NRF1: variants seen among roughly 807,000 people sequenced by gnomAD.
The protein encoded by NRF1 is nuclear respiratory factor 1, also known as alpha palindromic-binding protein.
A neutral mutation model predicts 58.5 loss-of-function variants in NRF1; 5 were observed. The observed-to-expected ratio is 0.09, with a 90% CI of 0.04 to 0.18. NRF1 has a LOEUF of 0.18. Among genes scored for constraint, NRF1 ranks in the 10% least tolerant of loss-of-function variants. The pLI is 1.00. For synonymous variants in NRF1, 224 were observed against 246.7 expected, an observed-to-expected ratio of 0.91 and a Z score of 0.86; for missense variants, 288 against 657.7, an observed-to-expected ratio of 0.44 and a Z score of 6.15.
At chr7:129,654,486 T>G (rs761990930) in intron 1 of NRF1, among the ~76,000 whole-genome samples, 1 of 152,226 alleles carries the variant, frequency 6.6e-6, no homozygotes, top group Non-Finnish European at 1.5e-5. Context: ...TTATCGATTT[T>G]TTGCTTTTAT....
intron 8 of NRF1, among the ~76,000 whole-genome samples, chr7:129,714,584 A>C (rs1803145959): frequency 6.6e-6 from 1 of 152,152 alleles, no homozygotes; most frequent in Non-Finnish European, 1.5e-5. Flanking sequence ...AAAGCAACCA[A>C]CCTTGGAAAG....
chr7:129,637,297 A>G (rs191611732), intron 1 of NRF1, among the ~76,000 whole-genome samples: 24 of 152,152 alleles, frequency 1.6e-4, no homozygotes, highest in Middle Eastern at 3.4e-3. Context: ...AACCCCTGCA[A>G]AAAAGCAAGG....
chr7:129,737,129 T>C (rs1803732894), intron 10 of NRF1, among the ~76,000 whole-genome samples: 1 of 152,260 alleles, frequency 6.6e-6, no homozygotes, highest in Admixed American at 6.5e-5. Context: ...TGCACAGTAC[T>C]ATGTAGACGC....
At chr7:129,617,712 A>C (rs906984509) in intron 1 of NRF1, among the ~76,000 whole-genome samples, 2 of 152,152 alleles carry the variant, frequency 1.3e-5, no homozygotes, top group African/African-American at 4.8e-5. Flanking sequence ...GGATTATAGG[A>C]GGAGGGAGAA....
At chr7:129,722,198 C>A (rs1363833499) in intron 9 of NRF1, among the ~76,000 whole-genome samples, 1 of 151,906 alleles carries the variant, frequency 6.6e-6, no homozygotes, top group Non-Finnish European at 1.5e-5. Context: ...AGTTTGAGAC[C>A]AGCCTCAACA....
At chr7:129,725,394 A>G (rs1803427639) in intron 9 of NRF1, among the ~76,000 whole-genome samples, 1 of 145,644 alleles carries the variant, frequency 6.9e-6, no homozygotes, top group Non-Finnish European at 1.5e-5. Context: ...ATGGCATGAT[A>G]TCGGCCCACT....
intron 10 of NRF1, among the ~76,000 whole-genome samples, chr7:129,731,146 C>G (rs1803568007): frequency 6.6e-6 from 1 of 152,066 alleles, no homozygotes; most frequent in Admixed American, 6.6e-5. Context: ...GTGGCAACAC[C>G]TGTAATCCCA....
chr7:129,719,432 T>C (rs1026711985), intron 9 of NRF1, among the ~76,000 whole-genome samples: 2 of 151,730 alleles, frequency 1.3e-5, no homozygotes, highest in African/African-American at 4.8e-5. Flanking sequence ...ACGCCCAGCC[T>C]AAGTGATTTC....
At chr7:129,686,101 CAAA>C (rs540355035) in intron 4 of NRF1, among the ~76,000 whole-genome samples, 9 of 57,768 alleles carry the variant, frequency 1.6e-4, no homozygotes, top group East Asian at 6.1e-4. Flanking sequence ...GACTGTATCT[CAAA>C]AAAAAAAAAA....
intron 1 of NRF1, among the ~76,000 whole-genome samples, chr7:129,619,578 A>G (rs1332427155): frequency 2.7e-5 from 4 of 147,116 alleles, no homozygotes; most frequent in African/African-American, 1.0e-4. Flanking sequence ...TACTAAATTC[A>G]GGGGTAGGTC....
intron 4 of NRF1, among the ~76,000 whole-genome samples, chr7:129,678,917 T>C (rs1028207613): frequency 2.0e-5 from 3 of 152,162 alleles, no homozygotes; most frequent in South Asian, 2.1e-4. Context: ...ATATAGACTC[T>C]GTTAAACAGG....
At chr7:129,700,998 T>A (rs1802812641) in intron 5 of NRF1, among the ~76,000 whole-genome samples, 2 of 152,294 alleles carry the variant, frequency 1.3e-5, no homozygotes, top group African/African-American at 4.8e-5. Flanking sequence ...CATGGCATAT[T>A]GTGAGTAAAG....
intron 4 of NRF1, among the ~76,000 whole-genome samples, chr7:129,687,385 C>T (rs1174704712): frequency 6.6e-6 from 1 of 151,874 alleles, no homozygotes; most frequent in African/African-American, 2.4e-5. Context: ...AAGCAATTCT[C>T]CTACCTCAGC....
intron 10 of NRF1, among the ~76,000 whole-genome samples, chr7:129,753,736 T>A (rs1584698785): frequency 6.9e-6 from 1 of 145,716 alleles, no homozygotes; most frequent in Non-Finnish European, 1.5e-5. Flanking sequence ...CTTTTTTTTT[T>A]AAGTTGACCC....
At position 129,711,531 on chromosome 7, in the gene NRF1, G is replaced by A. The variant is rs756328237; in HGVS notation, c.1020G>A (p.Thr340=). The change falls in exon 8 of 11, where the codon ACG becomes ACA. Residue 340 remains threonine, a synonymous_variant. Transcript: ENST00000393232. ...TLADASELPT[T]VTVAQVNYSA... Reference sequence around the variant, plus strand: ...CTGATGCTTCAGAATTGCCAACCACGGTCACCGTTGCCCAAGTGAATTATT... The same window carrying A: ...CTGATGCTTCAGAATTGCCAACCACAGTCACCGTTGCCCAAGTGAATTATT... The A allele has an allele frequency of 6.8e-5, 109 of 1,612,536 alleles. No individual in the cohort carries two copies. Among genetic ancestry groups the A allele is most frequent in the East Asian group, 4.9e-4 (22 of 44,856 alleles).
intron 1 of NRF1, among the ~76,000 whole-genome samples, chr7:129,631,148 C>T (rs1230788426): frequency 6.6e-6 from 1 of 152,064 alleles, no homozygotes; most frequent in Non-Finnish European, 1.5e-5. Context: ...ACTTACTTTT[C>T]ATAGAGTTGA....
intron 10 of NRF1, among the ~76,000 whole-genome samples, chr7:129,753,676 G>A (rs556138104): frequency 3.9e-5 from 6 of 152,038 alleles, no homozygotes; most frequent in African/African-American, 1.4e-4. Flanking sequence ...CTTCCTTTAA[G>A]CCATCCTTTC....
chr7:129,687,269 G>A (rs1335892066), intron 4 of NRF1, among the ~76,000 whole-genome samples: 1 of 148,106 alleles, frequency 6.8e-6, no homozygotes, highest in African/African-American at 2.5e-5. Context: ...CAGGTTTGAT[G>A]CAAGTCCTTT....
chr7:129,622,736 A>AT (rs375742564), intron 1 of NRF1, among the ~76,000 whole-genome samples: 121 of 152,066 alleles, frequency 8.0e-4, no homozygotes, highest in African/African-American at 2.7e-3. Context: ...TGCCCAGCAG[A>AT]TTTTTGCATT....
Sources: allele counts gnomAD v4.1 joint callset (sites outside exome capture counted in the v4.1 genomes callset), GRCh38; gene constraint gnomAD v4.1.1; transcripts MANE v1.5; gene names NCBI Gene and HGNC (gene_info 2026-07-23, HGNC 2026-07-21).